GPX7: variants seen among roughly 807,000 people sequenced by gnomAD.
GPX7 encodes glutathione peroxidase 7, also known as protein peroxidase GPX7.
GPX7 carries 21 observed loss-of-function variants against 23.7 expected under a neutral mutation model. The ratio of observed to expected loss-of-function variants is 0.89; its 90% CI spans 0.63 to 1.28. The LOEUF is 1.28. GPX7 is among the 50% of genes most tolerant of loss of function. The pLI, the probability that GPX7 is intolerant of heterozygous loss-of-function variation, is 0.00. For synonymous variants in GPX7, 112 were observed against 101.8 expected, an observed-to-expected ratio of 1.10 and a Z score of -0.61; for missense variants, 238 against 237.3, an observed-to-expected ratio of 1.00 and a Z score of -0.02.
intron 1 of GPX7, among the ~76,000 whole-genome samples, chr1:52,604,783 G>A (rs1383025939): frequency 1.3e-5 from 2 of 152,152 alleles, no homozygotes; most frequent in Admixed American, 1.3e-4. Flanking sequence ...AGTGGCTCAC[G>A]CCTGTAATCC....
rs34349442 is a variant in GPX7 at position 52,603,894 on chromosome 1, G to A, written c.138+1347G>A. Among the ~76,000 whole-genome samples, 14 of 152,222 alleles carry A rather than the reference G, an allele frequency of 9.2e-5. No homozygotes were observed. The East Asian group carries it at 1.9e-3, about 21-fold the overall frequency. ...GGGCAAAGAACCAAGAACAGGGCCCGCTCCAATTCAGGCCTCCTGTTCTCT... is the reference window on the plus strand; with the variant it reads ...GGGCAAAGAACCAAGAACAGGGCCCACTCCAATTCAGGCCTCCTGTTCTCT... On this transcript the variant is annotated intron_variant, in intron 1 of 2. Transcript: ENST00000361314.
At chr1:52,608,241 C>A in intron 2 of GPX7, 21 bp from the exon 3 acceptor site, 1 of 1,598,886 alleles carries the variant, frequency 6.3e-7, no homozygotes, top group Non-Finnish European at 8.5e-7. Context: ...GCACGCTTTG[C>A]TCTCCTTCCT....
Position 52,602,483 on chromosome 1 carries a change from T to G in GPX7, c.74T>G (p.Phe25Cys). 3.2e-6 allele frequency: 5 copies of G among 1,558,480 alleles called. No individual in the cohort carries two copies. The highest frequency in any genetic ancestry group is 4.3e-6 in the Non-Finnish European group (5 of 1,156,956). ...AAACAQQEQDFYDFKAVNIRG... is the reference protein window; with the variant it reads ...AAACAQQEQDCYDFKAVNIRG... ...GCCTGCGCGCAGCAGGAGCAGGACT[T>G]CTACGACTTCAAGGCGGTCAACATC... Residue 25 changes from phenylalanine to cysteine, a missense_variant, in exon 1 of 3, where the codon TTC becomes TGC. Phe to Cys is a radical substitution (Grantham distance 205). Transcript: ENST00000361314.
At chr1:52,607,045 C>T in intron 2 of GPX7, 100 bp downstream of exon 2, 3 of 1,146,962 alleles carry the variant, frequency 2.6e-6, no homozygotes, top group Admixed American at 3.9e-5. Context: ...TGACCTGGGG[C>T]CCCTTCCCCT....
In GPX7 at chr1:52,608,499, C is replaced by T; in HGVS notation, c.*74C>T. ...CTGACCAATGCAAACTCAAATGGTG[C>T]TTCAAAGGGAGAGACCCACTGACTC... On this transcript the variant is annotated 3_prime_UTR_variant, in exon 3 of 3. Coordinates refer to ENST00000361314, the MANE Select transcript of GPX7 (RefSeq NM_015696.5). 1.5e-6 allele frequency: 2 copies of T among 1,327,264 alleles called. No individual in the cohort carries two copies. The highest frequency in any genetic ancestry group is 2.0e-6 in the Non-Finnish European group (2 of 979,048). The allele number at this position is 1,327,264 out of a possible 1,614,324, so 82.2% of individuals were successfully genotyped here.
At position 52,608,503 on chromosome 1, in the gene GPX7, A is replaced by G. The variant is rs1690879679; in HGVS notation, c.*78A>G. 7.8e-7 allele frequency: 1 copy of G among 1,284,724 alleles called. No individual in the cohort carries two copies. Among genetic ancestry groups the G allele is most frequent in the African/African-American group, 1.5e-5 (1 of 67,062 alleles). The allele number at this position is 1,284,724 out of a possible 1,614,324, so 79.6% of individuals were successfully genotyped here. ...CCAATGCAAACTCAAATGGTGCTTC[A>G]AAGGGAGAGACCCACTGACTCTCCT... On this transcript the variant is annotated 3_prime_UTR_variant, in exon 3 of 3. Coordinates refer to ENST00000361314, the MANE Select transcript of GPX7 (RefSeq NM_015696.5).
In GPX7 at chr1:52,608,481, A is replaced by G. The variant is rs1339775640; in HGVS notation, c.*56A>G. ...CCGCCCACCTGTGTGGGGCTGACCA[A>G]TGCAAACTCAAATGGTGCTTCAAAG... On this transcript the variant is annotated 3_prime_UTR_variant, in exon 3 of 3. Coordinates refer to ENST00000361314, the MANE Select transcript of GPX7 (RefSeq NM_015696.5). 29 of 1,447,638 alleles carry G rather than the reference A, an allele frequency of 2.0e-5. No individual in the cohort carries two copies. The highest frequency in any genetic ancestry group is 1.9e-4 in the Middle Eastern group (1 of 5,144). The allele number at this position is 1,447,638 out of a possible 1,614,324, so 89.7% of individuals were successfully genotyped here.
rs1033478539 is a variant in GPX7 at position 52,608,768 on chromosome 1, C to T, written c.*343C>T. On this transcript the variant is annotated 3_prime_UTR_variant, in exon 3 of 3. Transcript: ENST00000361314. ...TGGGACCAATGATTACCTCATAGGG[C>T]TGTTGTGAGGATTAGGATGAAATAC... The T allele has an allele frequency of 6.1e-6, 1 of 164,118 alleles. No individual in the cohort carries two copies. Among genetic ancestry groups the T allele is most frequent in the African/African-American group, 2.4e-5 (1 of 41,858 alleles). The allele number at this position is 164,118 out of a possible 1,614,324, so 10.2% of individuals were successfully genotyped here.
At position 52,606,702 on chromosome 1, in the gene GPX7, G is replaced by A; in HGVS notation, c.157G>A (p.Val53Met). Residue 53 changes from valine (V) to methionine (M), a missense_variant, in exon 2 of 3, where the codon GTG (valine) becomes ATG (methionine). Val to Met is a conservative substitution (Grantham distance 21, BLOSUM62 1). Coordinates refer to ENST00000361314, the MANE Select transcript of GPX7 (RefSeq NM_015696.5). ...CATACAGGTGTCCCTGGTGGTGAAT[G>A]TGGCCAGCGAGTGCGGCTTCACAGA... ...YRGSVSLVVNVASECGFTDQH... is the reference protein window; with the variant it reads ...YRGSVSLVVNMASECGFTDQH... 1 of 1,613,822 alleles carries A rather than the reference G, an allele frequency of 6.2e-7. No individual in the cohort carries two copies. Among genetic ancestry groups the A allele is most frequent in the Non-Finnish European group, 8.5e-7 (1 of 1,180,008 alleles).
Position 52,608,305 on chromosome 1 carries a change from A to G in GPX7, c.444A>G (p.Leu148=), listed in dbSNP as rs748304904. 26 of 1,613,786 alleles carry G rather than the reference A, an allele frequency of 1.6e-5. No homozygotes were observed. The highest frequency in any genetic ancestry group is 1.3e-4 in the Admixed American group (8 of 59,944). The part of the protein sequence containing the change: ...KEPTWNFWKY[L]VAPDGKVVGA... ...CCACCTGGAACTTCTGGAAGTACCT[A>G]GTAGCCCCAGATGGAAAGGTGGTAG... Residue 148 remains leucine, a synonymous_variant, in exon 3 of 3, where the codon CTA becomes CTG. Coordinates refer to ENST00000361314, the MANE Select transcript of GPX7 (RefSeq NM_015696.5).
chr1:52,607,163 C>A, intron 2 of GPX7: 1 of 582,974 alleles, frequency 1.7e-6, no homozygotes, highest in Non-Finnish European at 3.0e-6. Context: ...ATCTCCATAC[C>A]TGCTGCCTCT....
Position 52,608,860 on chromosome 1 carries a change from C to A in GPX7, c.*435C>A, listed in dbSNP as rs1047635. The stretch of plus-strand genomic sequence containing the variant: ...TCAATGAACATTTTTTGCATATAAA[C>A]CAAAAAATAACTTGTTATCAATAAA... On this transcript the variant is annotated 3_prime_UTR_variant, in exon 3 of 3. Transcript: ENST00000361314. 0.51 allele frequency: 78,355 copies of A among 152,804 alleles called. 20,858 individuals are homozygous for A. The highest frequency in any genetic ancestry group is 0.76 in the East Asian group (3,951 of 5,174). 9.5% of individuals were successfully genotyped at this position (152,804 alleles called of 1,614,324 possible).
Position 52,606,936 on chromosome 1 carries a change from T to C in GPX7, c.391T>C (p.Tyr131His). The change falls in exon 2 of 3, where the codon TAC becomes CAC. Residue 131 changes from tyrosine to histidine, a missense_variant. Transcript: ENST00000361314. ...TGTGAHPAFK[Y>H]LAQTSGKEPT... ...TACTGGTGCCCATCCTGCCTTCAAG[T>C]ACCTGGCCCGTAAGTCCTGGTCTCT... 6.2e-7 allele frequency: 1 copy of C among 1,614,134 alleles called. No individual in the cohort carries two copies. The highest frequency in any genetic ancestry group is 8.5e-7 in the Non-Finnish European group (1 of 1,179,970).
intron 2 of GPX7, 150 bp from the exon 3 acceptor site, chr1:52,608,112 C>A (rs532588627): frequency 6.8e-6 from 4 of 592,474 alleles, no homozygotes; most frequent in Admixed American, 7.3e-5. Flanking sequence ...GATGCCTGAG[C>A]CTCACCCTCA....
Position 52,606,820 on chromosome 1 carries a change from A to G in GPX7, c.275A>G (p.Gln92Arg). 1 of 1,614,222 alleles carries G rather than the reference A, an allele frequency of 6.2e-7. No individual in the cohort carries two copies. Among genetic ancestry groups the G allele is most frequent in the East Asian group, 2.2e-5 (1 of 44,888 alleles). Residue 92 changes from glutamine (Q) to arginine (R), a missense_variant, in exon 2 of 3, where the codon CAG becomes CGG. Coordinates refer to ENST00000361314, the MANE Select transcript of GPX7 (RefSeq NM_015696.5). Reference protein sequence around the residue: ...LAFPCNQFGQQEPDSNKEIES... With the variant: ...LAFPCNQFGQREPDSNKEIES... ...TTCCCCTGCAACCAGTTTGGCCAAC[A>G]GGAGCCTGACAGCAACAAGGAGATT...
Position 52,608,513 on chromosome 1 carries a change from A to AGTGGGTCTCT in GPX7, c.*88_*89insGTGGGTCTCT. ...CTCAAATGGTGCTTCAAAGGGAGAG[A>AGTGGGTCTCT]CCCACTGACTCTCCTTCCTTTACTC... is the stretch of plus-strand genomic sequence containing the variant. On this transcript the variant is annotated 3_prime_UTR_variant, in exon 3 of 3. Transcript: ENST00000361314. The AGTGGGTCTCT allele has an allele frequency of 4.5e-6, 5 of 1,114,922 alleles. No individual in the cohort carries two copies. Among genetic ancestry groups the AGTGGGTCTCT allele is most frequent in the Non-Finnish European group, 6.3e-6 (5 of 797,422 alleles). The allele number at this position is 1,114,922 out of a possible 1,614,324, so 69.1% of individuals were successfully genotyped here. A position where few individuals can be genotyped will look rare whatever the true frequency, so the allele number is the denominator to read the frequency against.
intron 2 of GPX7, among the ~76,000 whole-genome samples, chr1:52,607,857 C>T (rs1690871184): frequency 6.9e-6 from 1 of 144,022 alleles, no homozygotes; most frequent in Non-Finnish European, 1.5e-5. Flanking sequence ...GAAGCAGGGC[C>T]CAAGAATCTT....
chr1:52,603,766 C>T (rs956729092), intron 1 of GPX7, among the ~76,000 whole-genome samples: 3 of 152,128 alleles, frequency 2.0e-5, no homozygotes, highest in South Asian at 2.1e-4. Context: ...CCCAGAGTGT[C>T]GTGAGTTTCA....
In GPX7 at chr1:52,606,410, T is replaced by C. The variant is rs918089974; in HGVS notation, c.139-274T>C. ...CATGTGCATACCTATTTATGTATGTTGTATACTTATGTTCACAGATGTTCA... is the reference window on the plus strand; with the variant it reads ...CATGTGCATACCTATTTATGTATGTCGTATACTTATGTTCACAGATGTTCA... On this transcript the variant is annotated intron_variant, in intron 1 of 2. Transcript: ENST00000361314. Among the ~76,000 whole-genome samples the C allele has an allele frequency of 5.3e-5, 8 of 152,224 alleles. No individual in the cohort carries two copies. The East Asian group carries it at 1.5e-3, about 29-fold the overall frequency.
Sources: gnomAD v4.1 joint callset for allele counts (sites outside exome capture counted in the v4.1 genomes callset) on GRCh38, gnomAD v4.1.1 for gene constraint, MANE v1.5 for transcripts, NCBI Gene and HGNC (gene_info 2026-07-23, HGNC 2026-07-21) for gene names.